Variants in KCNIP4 observed in about 807,000 individuals in gnomAD.
KCNIP4 encodes potassium voltage-gated channel interacting protein 4.
Under a neutral mutation model 34.0 loss-of-function variants are expected in KCNIP4, and 12 were observed. The observed-to-expected ratio is 0.35, with a 90% CI of 0.23 to 0.57. The LOEUF (loss-of-function observed/expected upper bound fraction) is 0.57. Ranked by LOEUF, KCNIP4 falls within the 20% of genes least tolerant of loss-of-function variation. The pLI is 0.83. For missense variants in KCNIP4, 238 were observed against 311.7 expected, an observed-to-expected ratio of 0.76 and a Z score of 1.78; for synonymous variants, 124 against 102.2, an observed-to-expected ratio of 1.21 and a Z score of -1.29.
At chr4:21,687,462 T>A (rs1186385329) in intron 1 of KCNIP4, among the ~76,000 whole-genome samples, 1 of 152,184 alleles carries the variant, frequency 6.6e-6, no homozygotes, top group Non-Finnish European at 1.5e-5. Context: ...CCAATGACTA[T>A]GTAATGAACA....
At chr4:21,780,548 A>C (rs1719513704) in intron 1 of KCNIP4, among the ~76,000 whole-genome samples, 1 of 152,108 alleles carries the variant, frequency 6.6e-6, no homozygotes, top group Non-Finnish European at 1.5e-5. Flanking sequence ...CATGCTAAAC[A>C]TAAGGGGGAC....
At chr4:20,760,564 A>C (rs1222923787) in intron 3 of KCNIP4, among the ~76,000 whole-genome samples, 1 of 152,178 alleles carries the variant, frequency 6.6e-6, no homozygotes, top group African/African-American at 2.4e-5. Context: ...TAACAGTTTC[A>C]ATGTGAATTT....
chr4:21,465,634 T>C (rs1729856060), intron 1 of KCNIP4, among the ~76,000 whole-genome samples: 1 of 152,132 alleles, frequency 6.6e-6, no homozygotes, highest in Non-Finnish European at 1.5e-5. Context: ...GGACATTGAC[T>C]TGTTCGCCTA....
chr4:20,997,033 G>A (rs533509990), intron 1 of KCNIP4, among the ~76,000 whole-genome samples: 1 of 151,290 alleles, frequency 6.6e-6, no homozygotes, highest in African/African-American at 2.4e-5. Flanking sequence ...ATTAAGTAGT[G>A]CAGTGGGTTC....
rs10516378 is a variant in KCNIP4, at chr4:21,290,038, A to T, written c.62-407329T>A. Among the ~76,000 whole-genome samples, 1,854 of 152,264 alleles carry T rather than the reference A, an allele frequency of 0.012. 59 individuals carry two copies. In the East Asian group the frequency reaches 0.14, roughly 12 times the overall value. ...AAAAAAAATAGCTTTTCTTTTAGTT[A>T]AGTAAGACTCCTAGGCAAAACATCA... On this transcript the variant is annotated intron_variant, in intron 1 of 8. Transcript: ENST00000382152.
At chr4:21,071,065 T>C (rs1488800771) in intron 1 of KCNIP4, among the ~76,000 whole-genome samples, 1 of 152,046 alleles carries the variant, frequency 6.6e-6, no homozygotes, top group African/African-American at 2.4e-5. Flanking sequence ...TTGCTTGTCT[T>C]TTCATCTTCT....
At chr4:21,402,767 A>T (rs1230501186) in intron 1 of KCNIP4, among the ~76,000 whole-genome samples, 1 of 152,136 alleles carries the variant, frequency 6.6e-6, no homozygotes, top group Non-Finnish European at 1.5e-5. Flanking sequence ...TGTTCTCTGG[A>T]TCCCACCTCC....
intron 1 of KCNIP4, among the ~76,000 whole-genome samples, chr4:21,517,855 C>T (rs1409440878): frequency 6.6e-6 from 1 of 152,150 alleles, no homozygotes; most frequent in Admixed American, 6.5e-5. Flanking sequence ...GCACAGCTTT[C>T]CCTGATACAT....
chr4:21,402,593 C>T (rs545970137), intron 1 of KCNIP4, among the ~76,000 whole-genome samples: 2 of 152,294 alleles, frequency 1.3e-5, no homozygotes, highest in African/African-American at 2.4e-5. Context: ...TGCTCTTGCC[C>T]TTTACTGCTG....
At chr4:21,056,743 A>T (rs1174137213) in intron 1 of KCNIP4, among the ~76,000 whole-genome samples, 1 of 152,178 alleles carries the variant, frequency 6.6e-6, no homozygotes, top group African/African-American at 2.4e-5. Flanking sequence ...GTTTGTATTG[A>T]TATGGTGGTA....
chr4:21,124,311 T>C (rs1267078600), intron 1 of KCNIP4, among the ~76,000 whole-genome samples: 1 of 152,138 alleles, frequency 6.6e-6, no homozygotes, highest in Non-Finnish European at 1.5e-5. Flanking sequence ...GATCCCCTGA[T>C]GGTGTCTCAG....
chr4:21,920,024 G>A (rs1181390619), intron 1 of KCNIP4, among the ~76,000 whole-genome samples: 1 of 152,094 alleles, frequency 6.6e-6, no homozygotes, highest in Non-Finnish European at 1.5e-5. Context: ...TGAAGAACAG[G>A]GAGCAAAGAT....
At chr4:20,751,882 G>T (rs1190072719) in intron 4 of KCNIP4, among the ~76,000 whole-genome samples, 1 of 152,054 alleles carries the variant, frequency 6.6e-6, no homozygotes, top group Non-Finnish European at 1.5e-5. Context: ...TCCCAGTCTA[G>T]ACAATCTATG....
At chr4:21,297,502 C>G (rs950061784) in intron 1 of KCNIP4, among the ~76,000 whole-genome samples, 1 of 152,134 alleles carries the variant, frequency 6.6e-6, no homozygotes, top group Non-Finnish European at 1.5e-5. Flanking sequence ...TTTTATGAAA[C>G]AGGTTATGTT....
At chr4:21,782,964 T>C (rs1317855899) in intron 1 of KCNIP4, among the ~76,000 whole-genome samples, 2 of 151,982 alleles carry the variant, frequency 1.3e-5, no homozygotes, top group African/African-American at 4.8e-5. Context: ...AATGACAAAA[T>C]TGTAGATAGG....
intron 1 of KCNIP4, among the ~76,000 whole-genome samples, chr4:21,655,333 T>C (rs1747836357): frequency 6.6e-6 from 1 of 151,972 alleles, no homozygotes; most frequent in African/African-American, 2.4e-5. Flanking sequence ...CATCTGATCA[T>C]CATGCCCCAT....
At chr4:20,768,663 G>T (rs895070677) in intron 3 of KCNIP4, among the ~76,000 whole-genome samples, 1 of 152,040 alleles carries the variant, frequency 6.6e-6, no homozygotes, top group Non-Finnish European at 1.5e-5. Flanking sequence ...GTAAGCAAAA[G>T]AAATGCAAAC....
rs1290596303 is a variant in KCNIP4, at chr4:21,370,688, T to C, written c.62-487979A>G. Among the ~76,000 whole-genome samples the C allele has an allele frequency of 1.4e-5, 2 of 138,558 alleles. 1 individual carries two copies. Among genetic ancestry groups the C allele is most frequent in the African/African-American group, 6.4e-5 (2 of 31,296 alleles). 90.9% of individuals were successfully genotyped at this position (138,558 alleles called of 152,430 possible). A position where few individuals can be genotyped will look rare whatever the true frequency, so the allele number is the denominator to read the frequency against. ...GCTCTGAAGCGCTGAGAGTGAGCCA[T>C]TTGGGATATCTAGCAGAAAAGCTTG... On this transcript the variant is annotated intron_variant, in intron 1 of 8. Transcript: ENST00000382152.
At chr4:21,195,317 T>C (rs1238354713) in intron 1 of KCNIP4, among the ~76,000 whole-genome samples, 3 of 152,246 alleles carry the variant, frequency 2.0e-5, no homozygotes, top group Non-Finnish European at 2.9e-5. Context: ...GGAATATATG[T>C]GTACTCAAAT....
Sources: gnomAD v4.1 joint callset for allele counts (sites outside exome capture counted in the v4.1 genomes callset) on GRCh38, gnomAD v4.1.1 for gene constraint, MANE v1.5 for transcripts, NCBI Gene and HGNC (gene_info 2026-07-23, HGNC 2026-07-21) for gene names.